The following ARNT variants were observed in gnomAD, a reference collection of about 807,000 sequenced individuals.
ARNT encodes the protein aryl hydrocarbon receptor nuclear translocator, also known as class E basic helix-loop-helix protein 2.
Under a neutral mutation model 105.0 loss-of-function variants are expected in ARNT, and 30 were observed. The ratio of observed to expected loss-of-function variants is 0.29; its 90% CI spans 0.21 to 0.39. ARNT has a LOEUF of 0.39. ARNT is among the 10% of genes least tolerant of loss of function. The pLI is 1.00. For synonymous variants in ARNT, 304 were observed against 344.0 expected (o/e 0.88, Z 1.29); for missense variants, 748 against 978.7 (o/e 0.76, Z 3.15).
chr1:150,868,598 T>C (rs780595204), intron 1 of ARNT, among the ~76,000 whole-genome samples: 5 of 151,994 alleles, frequency 3.3e-5, no homozygotes, highest in Non-Finnish European at 5.9e-5. Flanking sequence ...TCGAGGACAG[T>C]AGTTCAAGAC....
intron 4 of ARNT, among the ~76,000 whole-genome samples, chr1:150,844,446 C>T (rs187699513): frequency 1.3e-5 from 2 of 152,290 alleles, no homozygotes; most frequent in Admixed American, 6.5e-5. Flanking sequence ...GATTGCATCT[C>T]ACCACTCCAG....
At chr1:150,853,935 C>T (rs1664082058) in intron 2 of ARNT, among the ~76,000 whole-genome samples, 1 of 152,112 alleles carries the variant, frequency 6.6e-6, no homozygotes, top group Non-Finnish European at 1.5e-5. Context: ...ATATTATGGG[C>T]CTCTAGATGG....
chr1:150,852,923 G>A, intron 2 of ARNT, 117 bp from the exon 3 acceptor site: 3 of 1,238,666 alleles, frequency 2.4e-6, no homozygotes, highest in Non-Finnish European at 2.3e-6. Context: ...ATGGAAAGAG[G>A]AAGTGGCAGA....
chr1:150,864,641 T>C (rs889122823), intron 1 of ARNT, among the ~76,000 whole-genome samples: 15 of 140,686 alleles, frequency 1.1e-4, no homozygotes, highest in African/African-American at 1.3e-4. Flanking sequence ...AGGGATAGCA[T>C]TGGGAGATAT....
At chr1:150,861,192 C>T in intron 1 of ARNT, 1 of 284,802 alleles carries the variant, frequency 3.5e-6, no homozygotes. Flanking sequence ...CAATAGAAAA[C>T]AGTATGGAGA....
chr1:150,817,573 C>T (rs777503128), intron 15 of ARNT, 140 bp from the exon 16 acceptor site: 319 of 762,138 alleles, frequency 4.2e-4, no homozygotes, highest in Non-Finnish European at 4.5e-4. Flanking sequence ...TTTGGGAGGC[C>T]GAAGCAGGTG....
chr1:150,816,198 G>A lies in ARNT; in HGVS notation c.1950+61C>T, dbSNP rs960986975. 49 of 1,535,706 alleles carry A rather than the reference G, an allele frequency of 3.2e-5. 1 individual carries two copies. In the South Asian group the frequency reaches 5.1e-4, roughly 16 times the overall value. On this transcript the variant is annotated intron_variant, in intron 19 of 21. Coordinates refer to ENST00000358595, the MANE Select transcript of ARNT (RefSeq NM_001668.4). ...AATAGAAAACACTGATTTTACATAC[G>A]GAAAAAAGCCCAAACAAACAAAAAA...
At chr1:150,837,760 T>C (rs1275753666) in intron 6 of ARNT, among the ~76,000 whole-genome samples, 2 of 152,198 alleles carry the variant, frequency 1.3e-5, no homozygotes, top group Non-Finnish European at 2.9e-5. Flanking sequence ...TTCCTGAGCT[T>C]TCAGCAGACT....
chr1:150,851,185 A>G (rs28409962), intron 3 of ARNT, among the ~76,000 whole-genome samples: 144,903 of 148,844 alleles, frequency 0.97, 70,606 homozygotes, highest in Non-Finnish European at 1. Flanking sequence ...CACCCCGTCC[A>G]GGAGAGAGGC....
At chr1:150,837,086 C>T (rs1402013947) in intron 6 of ARNT, among the ~76,000 whole-genome samples, 1 of 151,838 alleles carries the variant, frequency 6.6e-6, no homozygotes, top group Non-Finnish European at 1.5e-5. Context: ...AAAGGCTTAC[C>T]ATGAACAATA....
At chr1:150,837,339 T>A (rs1402929249) in intron 6 of ARNT, among the ~76,000 whole-genome samples, 1 of 152,156 alleles carries the variant, frequency 6.6e-6, no homozygotes, top group Non-Finnish European at 1.5e-5. Context: ...CCCACTTCAC[T>A]CTCACTCTAA....
intron 9 of ARNT, 77 bp downstream of exon 9, chr1:150,832,257 C>T: frequency 1.3e-6 from 2 of 1,491,460 alleles, no homozygotes; most frequent in African/African-American, 2.8e-5. Flanking sequence ...GGAACGACTA[C>T]AGTAAGACAG....
chr1:150,867,136 G>A (rs1300368813), intron 1 of ARNT, among the ~76,000 whole-genome samples: 2 of 151,932 alleles, frequency 1.3e-5, no homozygotes, highest in African/African-American at 4.8e-5. Context: ...CCTAGGAGGC[G>A]GAGGCTGCGG....
chr1:150,860,263 T>G (rs1220456128), intron 1 of ARNT, among the ~76,000 whole-genome samples: 4 of 135,272 alleles, frequency 3.0e-5, no homozygotes, highest in Non-Finnish European at 3.1e-5. Flanking sequence ...TCGCCCAGGC[T>G]GGAGTGCAGT....
In ARNT at chr1:150,817,898, T is replaced by C. The variant is rs774794911; in HGVS notation, c.1505+22A>G. 11 of 1,572,868 alleles carry C rather than the reference T, an allele frequency of 7.0e-6. No individual in the cohort carries two copies. The Admixed American group carries it at 1.4e-4, about 20-fold the overall frequency. ...ACCCCCTGGGTGACTGCTCAACAGA[T>C]GATTATTTCACCCTTTTTTACCTGG... is the stretch of plus-strand genomic sequence containing the variant. On this transcript the variant is annotated intron_variant, in intron 15 of 21. Transcript: ENST00000358595.
At chr1:150,874,103 T>C (rs1408756731) in intron 1 of ARNT, among the ~76,000 whole-genome samples, 2 of 149,206 alleles carry the variant, frequency 1.3e-5, no homozygotes, top group African/African-American at 4.9e-5. Flanking sequence ...ATGGTGTCCC[T>C]AGTCCTTAAA....
At chr1:150,825,158 C>A (rs987951132) in intron 13 of ARNT, among the ~76,000 whole-genome samples, 11 of 151,998 alleles carry the variant, frequency 7.2e-5, no homozygotes, top group Non-Finnish European at 1.3e-4. Context: ...CCATGCCCAG[C>A]CAATTTTAGG....
In ARNT at chr1:150,818,225, T is replaced by C. The variant is rs1656346255; in HGVS notation, c.1395-195A>G. ...CAGTTTCAGCAAACAGAAACCATGT[T>C]CTATGACACAGGGGTCATCTTGTTG... On this transcript the variant is annotated intron_variant, in intron 14 of 21. Coordinates refer to ENST00000358595, the MANE Select transcript of ARNT (RefSeq NM_001668.4). 5.9e-6 allele frequency: 3 copies of C among 509,678 alleles called. No individual in the cohort carries two copies. The South Asian group carries it at 9.9e-5, about 17-fold the overall frequency. The allele number at this position is 509,678 out of a possible 1,614,324, so 31.6% of individuals were successfully genotyped here. A position where few individuals can be genotyped will look rare whatever the true frequency, so the allele number is the denominator to read the frequency against.
intron 9 of ARNT, 131 bp downstream of exon 9, chr1:150,832,203 G>A (rs587717067): frequency 1.1e-6 from 1 of 910,036 alleles, no homozygotes; most frequent in African/African-American, 1.7e-5. Context: ...GGGAGGTAAG[G>A]GATGTTAAGT....
Sources: gnomAD v4.1 joint callset for allele counts (sites outside exome capture counted in the v4.1 genomes callset) on GRCh38, gnomAD v4.1.1 for gene constraint, MANE v1.5 for transcripts, NCBI Gene and HGNC (gene_info 2026-07-23, HGNC 2026-07-21) for gene names.